MTDH: variants seen among roughly 807,000 people sequenced by gnomAD.
MTDH encodes metadherin, also known as protein LYRIC.
Under a neutral mutation model 72.7 loss-of-function variants are expected in MTDH, and 34 were observed. The observed-to-expected ratio is 0.47, with a 90% confidence interval of 0.36 to 0.62. MTDH has a LOEUF of 0.62. MTDH is among the 20% of genes least tolerant of loss of function. MTDH has a pLI of 0.00. For missense variants in MTDH, 677 were observed against 699.4 expected (o/e 0.97, Z 0.36); for synonymous variants, 266 against 268.9 (o/e 0.99, Z 0.10).
At chr8:97,703,512 T>C (rs1388685953) in intron 7 of MTDH, among the ~76,000 whole-genome samples, 1 of 152,230 alleles carries the variant, frequency 6.6e-6, no homozygotes, top group Non-Finnish European at 1.5e-5. Flanking sequence ...GCAAGAAGTC[T>C]TAGAGACATG....
chr8:97,727,606 A>G lies in MTDH; in HGVS notation c.*2936A>G, dbSNP rs1159896775. 5.3e-5 allele frequency: 8 copies of G among 152,152 alleles called. No individual in the cohort carries two copies. Among genetic ancestry groups the G allele is most frequent in the African/African-American group, 1.9e-4 (8 of 41,428 alleles). 9.4% of individuals were successfully genotyped at this position (152,152 alleles called of 1,614,324 possible). On this transcript the variant is annotated 3_prime_UTR_variant, in exon 12 of 12. Transcript: ENST00000336273. The stretch of plus-strand genomic sequence containing the variant: ...GAGGAGCAGGGGAAGACAGCCTCCT[A>G]TGGTGGCATGAATAAGATGCTTCCA...
chr8:97,682,270 A>ATATATG (rs1813160829), intron 2 of MTDH, among the ~76,000 whole-genome samples: 3 of 6,520 alleles, frequency 4.6e-4, no homozygotes, highest in African/African-American at 1.7e-3. Flanking sequence ...ATATATATAT[A>ATATATG]TATATATATA....
At chr8:97,716,802 T>C (rs960667917) in intron 9 of MTDH, among the ~76,000 whole-genome samples, 8 of 152,204 alleles carry the variant, frequency 5.3e-5, no homozygotes, top group African/African-American at 1.7e-4. Context: ...CCTCCTGGGC[T>C]GAAGGGATCC....
intron 1 of MTDH, among the ~76,000 whole-genome samples, chr8:97,651,603 A>T (rs190552910): frequency 6.6e-6 from 1 of 152,334 alleles, no homozygotes; most frequent in Admixed American, 6.5e-5. Flanking sequence ...CCGTGAAAGT[A>T]CCTCAAGTAT....
chr8:97,727,191 A>G lies in MTDH; in HGVS notation c.*2521A>G, dbSNP rs1044315852. On this transcript the variant is annotated 3_prime_UTR_variant, in exon 12 of 12. Coordinates refer to ENST00000336273, the MANE Select transcript of MTDH (RefSeq NM_178812.4). ...TTTTAATTACCTTTTACCTTGTTTCATAGATCTTTATGTGACATAAAAACA... is the reference window on the plus strand; with the variant it reads ...TTTTAATTACCTTTTACCTTGTTTCGTAGATCTTTATGTGACATAAAAACA... 9 of 152,048 alleles carry G rather than the reference A, an allele frequency of 5.9e-5. No homozygotes were observed. The highest frequency in any genetic ancestry group is 2.2e-4 in the African/African-American group (9 of 41,408). 9.4% of individuals were successfully genotyped at this position (152,048 alleles called of 1,614,324 possible).
chr8:97,694,002 A>C (rs993647802), intron 6 of MTDH, among the ~76,000 whole-genome samples: 2 of 152,150 alleles, frequency 1.3e-5, no homozygotes, highest in African/African-American at 4.8e-5. Flanking sequence ...GATGTGGGCC[A>C]CCACATCTGC....
In MTDH at chr8:97,729,872, G is replaced by C. The variant is rs544374143; in HGVS notation, c.*5202G>C. On this transcript the variant is annotated 3_prime_UTR_variant, in exon 12 of 12. Coordinates refer to ENST00000336273, the MANE Select transcript of MTDH (RefSeq NM_178812.4). ...AGAGACAGAGGCTGAGAGAAACTTAGTAGCCTGCCTGCGCATACTGCAAGT... is the reference window on the plus strand; with the variant it reads ...AGAGACAGAGGCTGAGAGAAACTTACTAGCCTGCCTGCGCATACTGCAAGT... Among the ~76,000 whole-genome samples, 16 of 152,236 alleles carry C rather than the reference G, an allele frequency of 1.1e-4. No individual in the cohort carries two copies. Among genetic ancestry groups the C allele is most frequent in the African/African-American group, 3.6e-4 (15 of 41,546 alleles).
chr8:97,698,371 A>ATT (rs1813960828), intron 6 of MTDH, among the ~76,000 whole-genome samples: 1 of 152,148 alleles, frequency 6.6e-6, no homozygotes, highest in Non-Finnish European at 1.5e-5. Context: ...TTATATCTAT[A>ATT]AAGCAAGGGG....
intron 1 of MTDH, among the ~76,000 whole-genome samples, chr8:97,653,125 GAAAA>G (rs553276689): frequency 1.0e-5 from 1 of 95,970 alleles, no homozygotes; most frequent in South Asian, 3.1e-4. Context: ...CTCAAAAAAA[GAAAA>G]AAAAAAAAAG....
At chr8:97,715,903 A>T (rs1381190172) in intron 9 of MTDH, among the ~76,000 whole-genome samples, 1 of 152,208 alleles carries the variant, frequency 6.6e-6, no homozygotes, top group Admixed American at 6.5e-5. Flanking sequence ...TTATCCTTTT[A>T]AAAATGTTCA....
chr8:97,720,043 T>C (rs1157284095), intron 10 of MTDH, among the ~76,000 whole-genome samples: 1 of 152,130 alleles, frequency 6.6e-6, no homozygotes, highest in Non-Finnish European at 1.5e-5. Context: ...TCCCAGCACT[T>C]TGGGAGGCCA....
At position 97,687,624 on chromosome 8, in the gene MTDH, A is replaced by G. The variant is rs1441520114; in HGVS notation, c.745+19A>G. 6.4e-6 allele frequency: 10 copies of G among 1,552,732 alleles called. No individual in the cohort carries two copies. The highest frequency in any genetic ancestry group is 8.7e-6 in the Non-Finnish European group (10 of 1,147,426). ...AATAAAGGTATATTAGTGGAACATA[A>G]GACAGTGGTACATCAAATCAAACTC... On this transcript the variant is annotated intron_variant, in intron 4 of 11. Transcript: ENST00000336273.
At chr8:97,721,448 C>T (rs1415406248) in intron 10 of MTDH, among the ~76,000 whole-genome samples, 1 of 152,012 alleles carries the variant, frequency 6.6e-6, no homozygotes, top group Non-Finnish European at 1.5e-5. Context: ...GTCACACACA[C>T]ACACACAAAT....
intron 8 of MTDH, among the ~76,000 whole-genome samples, chr8:97,710,387 C>T (rs1218081894): frequency 6.6e-6 from 1 of 152,128 alleles, no homozygotes; most frequent in Non-Finnish European, 1.5e-5. Context: ...CTTACTTCAG[C>T]AGCACATACA....
chr8:97,668,204 A>G (rs1386952046), intron 2 of MTDH, among the ~76,000 whole-genome samples: 1 of 152,040 alleles, frequency 6.6e-6, no homozygotes. Context: ...GGAGAATGGC[A>G]TGAACCCGGG....
chr8:97,674,969 C>A (rs1812781248), intron 2 of MTDH, among the ~76,000 whole-genome samples: 1 of 152,096 alleles, frequency 6.6e-6, no homozygotes, highest in Admixed American at 6.6e-5. Context: ...CACCACCACA[C>A]CCGACTAATT....
At chr8:97,691,994 C>G (rs991084672) in intron 6 of MTDH, among the ~76,000 whole-genome samples, 3 of 152,166 alleles carry the variant, frequency 2.0e-5, no homozygotes, top group Non-Finnish European at 2.9e-5. Context: ...ATTCTCCTAC[C>G]TCAGCCTCCC....
intron 11 of MTDH, among the ~76,000 whole-genome samples, chr8:97,723,352 C>A (rs1399485034): frequency 6.6e-6 from 1 of 150,428 alleles, no homozygotes; most frequent in Non-Finnish European, 1.5e-5. Context: ...GAGCCAAAAT[C>A]GTGCCACTGC....
At chr8:97,667,831 TAA>T (rs542822923) in intron 2 of MTDH, among the ~76,000 whole-genome samples, 48 of 116,230 alleles carry the variant, frequency 4.1e-4, no homozygotes, top group East Asian at 1.9e-3. Context: ...GTCTCTATAT[TAA>T]AAAAAAAAAA....
Sources: allele counts gnomAD v4.1 joint callset (sites outside exome capture counted in the v4.1 genomes callset), GRCh38; gene constraint gnomAD v4.1.1; transcripts MANE v1.5; gene names NCBI Gene and HGNC (gene_info 2026-07-23, HGNC 2026-07-21).